The following PDE4D variants were observed in gnomAD, a reference collection of about 807,000 sequenced individuals.
PDE4D encodes 3',5'-cyclic-AMP phosphodiesterase 4D.
Under a neutral mutation model 87.4 loss-of-function variants are expected in PDE4D, and 24 were observed. That is an observed-to-expected ratio of 0.27 (90% CI 0.20 to 0.39). The LOEUF (loss-of-function observed/expected upper bound fraction) is 0.39. Among genes scored for constraint, PDE4D ranks in the 10% least tolerant of loss-of-function variants. The probability of loss-of-function intolerance (pLI) is 1.00; values close to 1 mark genes in which losing one functional copy is unlikely to be tolerated. For missense variants in PDE4D, 714 were observed against 1,041.0 expected, an observed-to-expected ratio of 0.69 and a Z score of 4.32; for synonymous variants, 384 against 383.2, an observed-to-expected ratio of 1.00 and a Z score of -0.02.
At chr5:59,529,437 A>G (rs1393876124) in intron 1 of PDE4D, among the ~76,000 whole-genome samples, 1 of 152,182 alleles carries the variant, frequency 6.6e-6, no homozygotes, top group Non-Finnish European at 1.5e-5. Context: ...GACCAAGCCA[A>G]TGACACAGAG....
intron 2 of PDE4D, among the ~76,000 whole-genome samples, chr5:60,041,239 T>C (rs1232248227): frequency 6.6e-6 from 1 of 152,210 alleles, no homozygotes; most frequent in Non-Finnish European, 1.5e-5. Context: ...CTTGGCTGAT[T>C]TCTTCATAGA....
intron 1 of PDE4D, among the ~76,000 whole-genome samples, chr5:60,476,854 C>A (rs1484971742): frequency 6.6e-6 from 1 of 152,144 alleles, no homozygotes; most frequent in African/African-American, 2.4e-5. Context: ...CTTATCACGG[C>A]CAAGCATTAA....
intron 5 of PDE4D, among the ~76,000 whole-genome samples, chr5:59,153,712 G>A (rs189568925): frequency 6.6e-6 from 1 of 151,634 alleles, no homozygotes; most frequent in East Asian, 1.9e-4. Flanking sequence ...CTAGTACTAT[G>A]TGTGGTTATA....
intron 5 of PDE4D, among the ~76,000 whole-genome samples, chr5:59,050,611 G>T (rs1761401424): frequency 6.6e-6 from 1 of 152,164 alleles, no homozygotes; most frequent in Non-Finnish European, 1.5e-5. Flanking sequence ...TTTAGATTTG[G>T]CTAAGAAAGT....
intron 1 of PDE4D, among the ~76,000 whole-genome samples, chr5:59,365,757 A>G (rs149725692): frequency 3.8e-4 from 58 of 152,292 alleles, no homozygotes; most frequent in African/African-American, 1.3e-3. Context: ...GCAAACCAGC[A>G]AGAATCTTAC....
At chr5:60,460,877 AT>A (rs1746878041) in intron 1 of PDE4D, 1 of 350,292 alleles carries the variant, frequency 2.9e-6, no homozygotes, top group African/African-American at 2.1e-5. Context: ...TACACTATTA[AT>A]TCCATTCTTA....
intron 2 of PDE4D, among the ~76,000 whole-genome samples, chr5:59,211,651 G>A (rs959454911): frequency 1.3e-5 from 2 of 151,984 alleles, no homozygotes; most frequent in Non-Finnish European, 2.9e-5. Flanking sequence ...CTGTAAAATG[G>A]CATAACAATG....
chr5:60,093,655 G>C (rs1775369128), intron 2 of PDE4D, among the ~76,000 whole-genome samples: 1 of 152,026 alleles, frequency 6.6e-6, no homozygotes, highest in Non-Finnish European at 1.5e-5. Context: ...TTAAATTTCA[G>C]GAGTAACTTT....
At chr5:58,995,680 A>G (rs1453400797) in intron 6 of PDE4D, among the ~76,000 whole-genome samples, 2 of 152,150 alleles carry the variant, frequency 1.3e-5, no homozygotes, top group Non-Finnish European at 2.9e-5. Context: ...GCTGATTTTT[A>G]TCATTGCAGG....
intron 2 of PDE4D, among the ~76,000 whole-genome samples, chr5:60,024,687 T>A (rs891277774): frequency 1.3e-5 from 2 of 152,152 alleles, no homozygotes; most frequent in Non-Finnish European, 2.9e-5. Flanking sequence ...CATATTTTGA[T>A]GTTCATTTAA....
chr5:59,868,957 C>T (rs899050307), intron 1 of PDE4D, among the ~76,000 whole-genome samples: 3 of 152,188 alleles, frequency 2.0e-5, no homozygotes, highest in African/African-American at 7.2e-5. Flanking sequence ...TCTAAGAAAG[C>T]ATCTTTTGTA....
chr5:59,989,087 CATATATAT>C (rs541522751), intron 2 of PDE4D, among the ~76,000 whole-genome samples: 1 of 100,432 alleles, frequency 1.0e-5, no homozygotes, highest in Non-Finnish European at 2.0e-5. Flanking sequence ...ATGCATGTGT[CATATATAT>C]ATATATATAT....
chr5:59,479,663 G>A (rs965200735), intron 1 of PDE4D, among the ~76,000 whole-genome samples: 2 of 152,054 alleles, frequency 1.3e-5, no homozygotes, highest in African/African-American at 4.8e-5. Context: ...AGAGTAAGCA[G>A]GATTTTGTGA....
At chr5:59,819,645 C>A (rs1408919717) in intron 1 of PDE4D, among the ~76,000 whole-genome samples, 1 of 152,146 alleles carries the variant, frequency 6.6e-6, no homozygotes, top group Non-Finnish European at 1.5e-5. Flanking sequence ...TATGACTGTA[C>A]AAAATCTTCC....
At chr5:59,845,018 C>T (rs1004513498) in intron 1 of PDE4D, among the ~76,000 whole-genome samples, 1 of 151,960 alleles carries the variant, frequency 6.6e-6, no homozygotes, top group East Asian at 1.9e-4. Flanking sequence ...TGAGAGCTGC[C>T]CCAGGCTGGT....
At chr5:59,657,092 A>G (rs1465774971) in intron 1 of PDE4D, among the ~76,000 whole-genome samples, 1 of 152,150 alleles carries the variant, frequency 6.6e-6, no homozygotes, top group Non-Finnish European at 1.5e-5. Flanking sequence ...TTTCATCCCA[A>G]CCAAATATAT....
At chr5:59,759,072 C>G (rs1761647031) in intron 1 of PDE4D, among the ~76,000 whole-genome samples, 1 of 151,724 alleles carries the variant, frequency 6.6e-6, no homozygotes, top group Non-Finnish European at 1.5e-5. Context: ...AAAAAAAAGA[C>G]ATTATTTTGC....
chr5:60,171,829 C>A (rs535824602), intron 2 of PDE4D, among the ~76,000 whole-genome samples: 2 of 152,020 alleles, frequency 1.3e-5, no homozygotes, highest in African/African-American at 4.8e-5. Flanking sequence ...GTCTAAAGTT[C>A]ACTCTTGAGC....
intron 5 of PDE4D, among the ~76,000 whole-genome samples, chr5:59,069,702 C>T (rs73761117): frequency 0.011 from 1,739 of 152,084 alleles, 29 homozygotes; most frequent in African/African-American, 0.039. Flanking sequence ...ACTCTTGGCA[C>T]CATTAACCTG....
Sources: allele counts gnomAD v4.1 joint callset (sites outside exome capture counted in the v4.1 genomes callset), GRCh38; gene constraint gnomAD v4.1.1; transcripts MANE v1.5; gene names NCBI Gene and HGNC (gene_info 2026-07-23, HGNC 2026-07-21).